HERC2: variants seen among roughly 807,000 people sequenced by gnomAD.
HERC2 encodes the protein HECT and RLD domain containing E3 ubiquitin protein ligase 2.
Under a neutral mutation model 537.7 loss-of-function variants are expected in HERC2, and 102 were observed. The ratio of observed to expected loss-of-function variants is 0.19; its 90% CI spans 0.16 to 0.22. HERC2 has a LOEUF of 0.22. Among genes scored for constraint, HERC2 ranks in the 10% least tolerant of loss-of-function variants. The pLI, the probability that HERC2 is intolerant of heterozygous loss-of-function variation, is 1.00. For missense variants in HERC2, 4,236 were observed against 6,198.2 expected, an observed-to-expected ratio of 0.68 and a Z score of 10.63; for synonymous variants, 2,224 against 2,466.2, an observed-to-expected ratio of 0.90 and a Z score of 2.91.
At chr15:28,229,650 G>A in intron 32 of HERC2, 24 bp downstream of exon 32, 1 of 1,607,070 alleles carries the variant, frequency 6.2e-7, no homozygotes, top group Non-Finnish European at 8.5e-7. Flanking sequence ...CCAATGCAGA[G>A]AAGCATTTCT....
intron 69 of HERC2, among the ~76,000 whole-genome samples, chr15:28,160,106 A>G (rs1033034499): frequency 1.2e-4 from 19 of 152,294 alleles, no homozygotes; most frequent in Middle Eastern, 3.4e-3. Flanking sequence ...TTTGTCTCAG[A>G]GGGGTACCCG....
intron 69 of HERC2, 74 bp from the exon 70 acceptor site, chr15:28,152,904 C>T (rs1261529193): frequency 9.0e-6 from 13 of 1,441,862 alleles, no homozygotes; most frequent in East Asian, 2.5e-5. Flanking sequence ...CACCTCTGCC[C>T]GTCCTGCTCA....
At chr15:28,282,898 TC>T (rs1463766175) in intron 4 of HERC2, among the ~76,000 whole-genome samples, 1 of 149,882 alleles carries the variant, frequency 6.7e-6, no homozygotes, top group Non-Finnish European at 1.5e-5. Flanking sequence ...TCCACTGCAC[TC>T]CAGCCTGGGA....
chr15:28,136,761 C>T (rs1455016037), intron 78 of HERC2, among the ~76,000 whole-genome samples: 1 of 152,130 alleles, frequency 6.6e-6, no homozygotes, highest in Non-Finnish European at 1.5e-5. Context: ...GACTATATGG[C>T]CCAAAGCTGA....
Position 28,142,244 on chromosome 15 carries a change from A to G in HERC2, c.11694T>C (p.Leu3898=), listed in dbSNP as rs1243474634. The G allele has an allele frequency of 6.2e-7, 1 of 1,614,108 alleles. No individual in the cohort carries two copies. The highest frequency in any genetic ancestry group is 1.1e-5 in the South Asian group (1 of 91,058). ...DKRTPLPRLF[L]DEVAKKIREL... ...CCAAAATATCATGCAATACCTCATCAAGAAACAGACGGGGCAACGGTGTTC... is the reference window on the plus strand; with the variant it reads ...CCAAAATATCATGCAATACCTCATCGAGAAACAGACGGGGCAACGGTGTTC... Residue 3898 remains leucine (L), a synonymous_variant, in exon 76 of 93, where the codon CTT becomes CTC. Coordinates refer to ENST00000261609, the MANE Select transcript of HERC2 (RefSeq NM_004667.6).
chr15:28,245,865 C>A lies in HERC2; in HGVS notation c.3577+16G>T. 1.9e-6 allele frequency: 3 copies of A among 1,608,826 alleles called. No individual in the cohort carries two copies. The highest frequency in any genetic ancestry group is 2.5e-6 in the Non-Finnish European group (3 of 1,177,458). On this transcript the variant is annotated intron_variant, in intron 23 of 92. Transcript: ENST00000261609. ...AATAAAACTTTCCTCAGTAAAACTC[C>A]TTTAAGACGCCGTACCCATTATGCC...
chr15:28,139,148 C>T (rs544098632), intron 78 of HERC2, among the ~76,000 whole-genome samples: 52 of 152,332 alleles, frequency 3.4e-4, no homozygotes, highest in African/African-American at 1.2e-3. Flanking sequence ...TGATTTAGAA[C>T]CAAGCCTGCA....
chr15:28,207,965 G>A (rs1898666323), intron 44 of HERC2, among the ~76,000 whole-genome samples: 1 of 152,116 alleles, frequency 6.6e-6, no homozygotes, highest in Non-Finnish European at 1.5e-5. Flanking sequence ...AGCTCTGTTA[G>A]GAGTCCCTGC....
chr15:28,129,780 C>CTTTTTTTTTTTTTTTTTTTTT lies in HERC2; in HGVS notation c.12802+382_12802+383insAAAAAAAAAAAAAAAAAAAAA, dbSNP rs36068402. On this transcript the variant is annotated intron_variant, in intron 83 of 92. Transcript: ENST00000261609. ...AGGACACAGTATAAGCCTCTGCCTC[C>CTTTTTTTTTTTTTTTTTTTTT]TTTTTTTTTTTTTTTTTGAGACAGT... is the stretch of plus-strand genomic sequence containing the variant. Among the ~76,000 whole-genome samples the CTTTTTTTTTTTTTTTTTTTTT allele has an allele frequency of 3.5e-5, 5 of 143,552 alleles. 2 individuals carry two copies. Among genetic ancestry groups the CTTTTTTTTTTTTTTTTTTTTT allele is most frequent in the Non-Finnish European group, 3.0e-5 (2 of 65,892 alleles). 94.2% of individuals were successfully genotyped at this position (143,552 alleles called of 152,430 possible).
At chr15:28,126,005 T>C (rs1405644826) in intron 83 of HERC2, among the ~76,000 whole-genome samples, 1 of 152,140 alleles carries the variant, frequency 6.6e-6, no homozygotes, top group Non-Finnish European at 1.5e-5. Context: ...AGAGACAGGG[T>C]TTCACCATGT....
rs776774526 is a variant in HERC2 at position 28,263,048 on chromosome 15, A to G, written c.1992T>C (p.Cys664=). 1 of 1,614,210 alleles carries G rather than the reference A, an allele frequency of 6.2e-7. No homozygotes were observed. The highest frequency in any genetic ancestry group is 2.2e-5 in the East Asian group (1 of 44,880). The change falls in exon 15 of 93, where the codon TGT becomes TGC. Residue 664 remains cysteine, a synonymous_variant. Transcript: ENST00000261609. ...TCAAAGCAATGGAAAACTGACTTCC[A>G]CAGCGGACTTTGACCACATCCAAGT... The part of the protein sequence containing the change: ...LQDLDVVKVR[C]GSQFSIALTK...
At chr15:28,321,200 C>T (rs2077219360) in intron 2 of HERC2, among the ~76,000 whole-genome samples, 162 bp downstream of exon 2, 2 of 152,068 alleles carry the variant, frequency 1.3e-5, no homozygotes, top group Admixed American at 1.3e-4. Flanking sequence ...ACAAAAACAG[C>T]CATAAAGACT....
At chr15:28,312,250 A>G (rs10468154) in intron 2 of HERC2, among the ~76,000 whole-genome samples, 10,540 of 147,698 alleles carry the variant, frequency 0.071, 24 homozygotes, top group East Asian at 0.3. Context: ...GCCCAGGAGA[A>G]GAGCTCTCCA....
chr15:28,255,935 GC>G lies in HERC2; in HGVS notation c.2807del (p.Gly936AlafsTer3). 6.2e-7 allele frequency: 1 copy of G among 1,605,280 alleles called. No individual in the cohort carries two copies. ...GRRFMIDLLV[G>X]SLMADGGLES... ...CCAACCCTCCATCAGCCATCAAGCT[GC>G]CCACCAGAAGATCAATCATGAATCG... On this transcript the variant is annotated frameshift_variant, in exon 19 of 93. Coordinates refer to ENST00000261609, the MANE Select transcript of HERC2 (RefSeq NM_004667.6). LOFTEE classifies it high-confidence loss of function.
rs188220622 is a variant in HERC2 at position 28,299,017 on chromosome 15, A to G, written c.187+385T>C. ...CAAGCAGCCATTTTTTTAAACCTCAATGGGGACTCTGAAACACAGCCACTG... is the reference window on the plus strand; with the variant it reads ...CAAGCAGCCATTTTTTTAAACCTCAGTGGGGACTCTGAAACACAGCCACTG... On this transcript the variant is annotated intron_variant, in intron 3 of 92. Transcript: ENST00000261609. Among the ~76,000 whole-genome samples the G allele has an allele frequency of 3.9e-5, 6 of 152,240 alleles. 1 individual carries two copies. The highest frequency in any genetic ancestry group is 7.2e-5 in the African/African-American group (3 of 41,556).
chr15:28,292,582 G>C (rs1395291453), intron 4 of HERC2, among the ~76,000 whole-genome samples: 1 of 152,112 alleles, frequency 6.6e-6, no homozygotes, highest in Non-Finnish European at 1.5e-5. Flanking sequence ...TCAGGAGTGT[G>C]AGGCAGGGAG....
intron 2 of HERC2, among the ~76,000 whole-genome samples, chr15:28,303,481 T>A (rs919811959): frequency 1.3e-5 from 2 of 152,230 alleles, no homozygotes; most frequent in Non-Finnish European, 2.9e-5. Context: ...AGTCAGGTAA[T>A]GCAATTTCTC....
intron 92 of HERC2, among the ~76,000 whole-genome samples, chr15:28,112,555 G>GA (rs1354559243): frequency 6.6e-6 from 1 of 152,212 alleles, no homozygotes; most frequent in African/African-American, 2.4e-5. Flanking sequence ...GGGAACAGTG[G>GA]ACCCCATCGA....
intron 24 of HERC2, 43 bp downstream of exon 24, chr15:28,238,559 T>C (rs768733627): frequency 3.1e-5 from 47 of 1,504,728 alleles, no homozygotes; most frequent in Admixed American, 3.5e-5. Flanking sequence ...TAAAATGATA[T>C]AGGTTGTAAC....
Sources: allele counts gnomAD v4.1 joint callset (sites outside exome capture counted in the v4.1 genomes callset), GRCh38; gene constraint gnomAD v4.1.1; transcripts MANE v1.5; gene names NCBI Gene and HGNC (gene_info 2026-07-23, HGNC 2026-07-21).